The following CTIF variants were observed in gnomAD, a reference collection of about 807,000 sequenced individuals.
The protein encoded by CTIF is cap binding complex dependent translation initiation factor, also known as CBP80/20-dependent translation initiation factor.
Under a neutral mutation model 66.0 loss-of-function variants are expected in CTIF, and 21 were observed. That is an observed-to-expected ratio of 0.32 (90% CI 0.23 to 0.46). The LOEUF is 0.46. Among genes scored for constraint, CTIF ranks in the 20% least tolerant of loss-of-function variants. The pLI, the probability that CTIF is intolerant of heterozygous loss-of-function variation, is 1.00. For synonymous variants in CTIF, 345 were observed against 326.4 expected, an observed-to-expected ratio of 1.06 and a Z score of -0.62; for missense variants, 739 against 812.7, an observed-to-expected ratio of 0.91 and a Z score of 1.10.
intron 1 of CTIF, among the ~76,000 whole-genome samples, chr18:48,611,215 C>A (rs762753865): frequency 1.3e-5 from 2 of 152,248 alleles, no homozygotes; most frequent in Non-Finnish European, 2.9e-5. Flanking sequence ...TCAGGAACTA[C>A]CTCCAACTTG....
chr18:48,776,396 G>A (rs1910682166), intron 9 of CTIF, among the ~76,000 whole-genome samples: 1 of 152,252 alleles, frequency 6.6e-6, no homozygotes, highest in Non-Finnish European at 1.5e-5. Context: ...AGCTCTGCAG[G>A]AGCCAGAGCA....
At chr18:48,620,482 G>C (rs1323797759) in intron 2 of CTIF, among the ~76,000 whole-genome samples, 2 of 152,234 alleles carry the variant, frequency 1.3e-5, no homozygotes, top group East Asian at 1.9e-4. Context: ...TTCAAGAGCT[G>C]CTTCCAGATT....
At chr18:48,730,343 AGGGGCTCCTGCTGTGTGAGGGG>A (rs1159445807) in intron 7 of CTIF, among the ~76,000 whole-genome samples, 2 of 106,366 alleles carry the variant, frequency 1.9e-5, no homozygotes, top group African/African-American at 2.9e-5. Flanking sequence ...CTGCGGTGTG[AGGGGCTCCTGCTGTGTGAGGGG>A]CCCCTGCGGT....
chr18:48,655,537 A>G (rs1265083699), intron 3 of CTIF, among the ~76,000 whole-genome samples: 2 of 152,128 alleles, frequency 1.3e-5, no homozygotes, highest in East Asian at 1.9e-4. Flanking sequence ...TCCTGCACTG[A>G]GAAGGGTGTG....
Position 48,768,540 on chromosome 18 carries a change from G to A in CTIF, c.1371+6851G>A, listed in dbSNP as rs765697344. ...GGCTGCAAGATTGACCCAGCATCAC[G>A]AGGCTAGCTGGAGCTTCTGGATGCC... On this transcript the variant is annotated intron_variant, in intron 9 of 11. Coordinates refer to ENST00000256413, the MANE Select transcript of CTIF (RefSeq NM_014772.3). Among the ~76,000 whole-genome samples the A allele has an allele frequency of 4.6e-5, 7 of 152,316 alleles. No individual in the cohort carries two copies. In the South Asian group the frequency reaches 8.3e-4, roughly 18 times the overall value.
chr18:48,717,436 A>C (rs1468433920), intron 7 of CTIF, among the ~76,000 whole-genome samples: 1 of 150,622 alleles, frequency 6.6e-6, no homozygotes, highest in Admixed American at 6.6e-5. Context: ...TAAATAAATA[A>C]ATAAATAAAT....
chr18:48,790,015 C>T (rs757399017), intron 9 of CTIF, among the ~76,000 whole-genome samples: 2 of 152,202 alleles, frequency 1.3e-5, no homozygotes, highest in Admixed American at 1.3e-4. Flanking sequence ...ATGGGATGAT[C>T]ACAGCTTCAT....
intron 10 of CTIF, among the ~76,000 whole-genome samples, chr18:48,836,530 A>AG (rs966318575): frequency 2.6e-5 from 4 of 152,160 alleles, no homozygotes; most frequent in African/African-American, 9.7e-5. Flanking sequence ...GGCACCAGTG[A>AG]GTGAGATCCC....
At chr18:48,550,295 G>A (rs1214670208) in intron 1 of CTIF, among the ~76,000 whole-genome samples, 1 of 152,252 alleles carries the variant, frequency 6.6e-6, no homozygotes, top group East Asian at 1.9e-4. Flanking sequence ...AGGCCTGAGG[G>A]CCTGAGGCTC....
chr18:48,642,463 A>G (rs1306584237), intron 3 of CTIF, among the ~76,000 whole-genome samples: 1 of 152,196 alleles, frequency 6.6e-6, no homozygotes, highest in Non-Finnish European at 1.5e-5. Context: ...TGAGTAGGGC[A>G]CAGTGTTGGG....
At chr18:48,696,458 T>C (rs1166842479) in intron 6 of CTIF, among the ~76,000 whole-genome samples, 1 of 152,182 alleles carries the variant, frequency 6.6e-6, no homozygotes, top group Non-Finnish European at 1.5e-5. Context: ...CGTCCCGGCC[T>C]GTGTTACTTT....
intron 1 of CTIF, among the ~76,000 whole-genome samples, chr18:48,606,672 G>A (rs1310683898): frequency 6.6e-6 from 1 of 152,188 alleles, no homozygotes; most frequent in South Asian, 2.1e-4. Flanking sequence ...GCTTATGGGG[G>A]ATGTTGGGCA....
At chr18:48,624,987 C>T (rs2090568988) in intron 2 of CTIF, among the ~76,000 whole-genome samples, 1 of 152,168 alleles carries the variant, frequency 6.6e-6, no homozygotes, top group South Asian at 2.1e-4. Flanking sequence ...CAAAGGGGTG[C>T]AGCAGTGGCA....
intron 1 of CTIF, among the ~76,000 whole-genome samples, chr18:48,595,447 G>A (rs1335260400): frequency 6.6e-6 from 1 of 152,034 alleles, no homozygotes; most frequent in African/African-American, 2.4e-5. Context: ...TTTTTAGAGA[G>A]ACAGGGTCTC....
intron 10 of CTIF, among the ~76,000 whole-genome samples, chr18:48,844,617 G>A (rs1400545918): frequency 6.6e-6 from 1 of 152,178 alleles, no homozygotes; most frequent in Non-Finnish European, 1.5e-5. Context: ...CCAGACCACA[G>A]GGCACAAGCT....
intron 1 of CTIF, among the ~76,000 whole-genome samples, chr18:48,580,751 C>G (rs1385920238): frequency 6.6e-6 from 1 of 152,226 alleles, no homozygotes; most frequent in African/African-American, 2.4e-5. Context: ...CTCCTCCCAT[C>G]CTGAGGAGTT....
intron 3 of CTIF, among the ~76,000 whole-genome samples, chr18:48,644,876 T>A (rs1460098379): frequency 1.3e-5 from 2 of 152,242 alleles, no homozygotes; most frequent in Non-Finnish European, 2.9e-5. Flanking sequence ...TTAGGAGATG[T>A]GCTTTCAGCC....
intron 7 of CTIF, among the ~76,000 whole-genome samples, chr18:48,713,657 G>A (rs1404092667): frequency 1.3e-5 from 2 of 152,086 alleles, no homozygotes; most frequent in Non-Finnish European, 2.9e-5. Context: ...GAGTGCTGGA[G>A]GGCTGGGGCC....
chr18:48,798,712 G>A (rs1389689439), intron 9 of CTIF, among the ~76,000 whole-genome samples: 1 of 152,196 alleles, frequency 6.6e-6, no homozygotes, highest in African/African-American at 2.4e-5. Context: ...GCTGTGTCCT[G>A]AGAAGTTGTC....
Sources: gnomAD v4.1 joint callset for allele counts (sites outside exome capture counted in the v4.1 genomes callset) on GRCh38, gnomAD v4.1.1 for gene constraint, MANE v1.5 for transcripts, NCBI Gene and HGNC (gene_info 2026-07-23, HGNC 2026-07-21) for gene names.